AFG1L: variants seen among roughly 807,000 people sequenced by gnomAD.
AFG1L encodes AFG1 like ATPase.
AFG1L carries 53 observed loss-of-function variants against 62.2 expected under a neutral mutation model. The ratio of observed to expected loss-of-function variants is 0.85; its 90% CI spans 0.68 to 1.07. AFG1L has a LOEUF of 1.07. AFG1L is among the 50% of genes least tolerant of loss of function. The probability of loss-of-function intolerance (pLI) is 0.00; values close to 1 mark genes in which losing one functional copy is unlikely to be tolerated. For missense variants in AFG1L, 555 were observed against 590.5 expected (o/e 0.94, Z 0.62); for synonymous variants, 228 against 210.3 (o/e 1.08, Z -0.73).
At chr6:108,367,055 C>A (rs1033439652) in intron 6 of AFG1L, among the ~76,000 whole-genome samples, 16 of 152,130 alleles carry the variant, frequency 1.1e-4, no homozygotes, top group African/African-American at 3.1e-4. Flanking sequence ...GCAACACATC[C>A]CTTTCTTCTT....
chr6:108,477,998 T>C (rs2114817972), intron 10 of AFG1L, among the ~76,000 whole-genome samples: 1 of 152,346 alleles, frequency 6.6e-6, no homozygotes, highest in Middle Eastern at 3.4e-3. Context: ...ATTTTAAGCA[T>C]AATTTTTCGA....
At chr6:108,320,676 G>C (rs1454972251) in intron 1 of AFG1L, among the ~76,000 whole-genome samples, 1 of 152,090 alleles carries the variant, frequency 6.6e-6, no homozygotes, top group Non-Finnish European at 1.5e-5. Context: ...GGCTAGCTAG[G>C]TGTCTGGAAT....
chr6:108,473,505 G>C (rs1290731324), intron 8 of AFG1L, among the ~76,000 whole-genome samples: 1 of 152,202 alleles, frequency 6.6e-6, no homozygotes, highest in South Asian at 2.1e-4. Context: ...TACTGAGTGG[G>C]TGGTGTTGCT....
chr6:108,450,220 A>C (rs1055305478), intron 8 of AFG1L, among the ~76,000 whole-genome samples: 30 of 152,212 alleles, frequency 2.0e-4, no homozygotes, highest in Admixed American at 2.0e-3. Context: ...TCCCACCAAC[A>C]GTGTAAAAGC....
intron 6 of AFG1L, among the ~76,000 whole-genome samples, chr6:108,374,312 T>A (rs1780145190): frequency 6.6e-6 from 1 of 152,232 alleles, no homozygotes; most frequent in South Asian, 2.1e-4. Context: ...GGATAGTTGC[T>A]TTTACTGTGC....
chr6:108,437,389 G>T (rs989975817), intron 7 of AFG1L, among the ~76,000 whole-genome samples: 3 of 152,100 alleles, frequency 2.0e-5, no homozygotes, highest in African/African-American at 7.2e-5. Context: ...AGAGAGAGCG[G>T]GGAAATCATC....
chr6:108,510,660 A>G (rs1462342323), intron 11 of AFG1L, among the ~76,000 whole-genome samples: 4 of 152,258 alleles, frequency 2.6e-5, no homozygotes, highest in African/African-American at 7.2e-5. Flanking sequence ...TGCTATATGA[A>G]TGATTGCATC....
At chr6:108,415,740 C>T (rs924844088) in intron 7 of AFG1L, among the ~76,000 whole-genome samples, 2 of 152,172 alleles carry the variant, frequency 1.3e-5, no homozygotes, top group Non-Finnish European at 2.9e-5. Context: ...GAAACTGGAT[C>T]CCTTCCTTAC....
At chr6:108,406,436 G>A (rs1027287525) in intron 7 of AFG1L, among the ~76,000 whole-genome samples, 3 of 149,738 alleles carry the variant, frequency 2.0e-5, no homozygotes, top group African/African-American at 7.4e-5. Context: ...TTATTTTATT[G>A]ATTGACTGAT....
At chr6:108,338,172 C>T (rs1014428501) in intron 2 of AFG1L, among the ~76,000 whole-genome samples, 3 of 152,218 alleles carry the variant, frequency 2.0e-5, no homozygotes, top group Admixed American at 2.0e-4. Context: ...GGTAACAGAG[C>T]GACACCTTGT....
chr6:108,445,079 T>G (rs919219477), intron 7 of AFG1L, among the ~76,000 whole-genome samples: 8 of 152,242 alleles, frequency 5.3e-5, no homozygotes, highest in African/African-American at 1.9e-4. Flanking sequence ...CTGGATAACT[T>G]GTTGCACCTT....
chr6:108,414,173 A>G (rs1273858173), intron 7 of AFG1L, among the ~76,000 whole-genome samples: 2 of 152,248 alleles, frequency 1.3e-5, no homozygotes. Flanking sequence ...AAAATCTAGA[A>G]GAAATGGATA....
chr6:108,441,712 A>AATATATATATAT lies in AFG1L; in HGVS notation c.808-5494_808-5483dup, dbSNP rs1554198358. On this transcript the variant is annotated intron_variant, in intron 7 of 12. Coordinates refer to ENST00000368977, the MANE Select transcript of AFG1L (RefSeq NM_145315.5). ...ATCTGAGGTTTATTTAAAAAAAAAAAATATATATATATATATATAAACTGA... is the reference window on the plus strand; with the variant it reads ...ATCTGAGGTTTATTTAAAAAAAAAAAATATATATATATATATATATATATATATATAAACTGA... Among the ~76,000 whole-genome samples, 275 of 139,462 alleles carry AATATATATATAT rather than the reference A, an allele frequency of 2.0e-3. 1 individual carries two copies. The highest frequency in any genetic ancestry group is 6.7e-3 in the African/African-American group (237 of 35,402). The allele number at this position is 139,462 out of a possible 152,430, so 91.5% of individuals were successfully genotyped here. A position where few individuals can be genotyped will look rare whatever the true frequency, so the allele number is the denominator to read the frequency against.
At chr6:108,316,027 A>T (rs1777576726) in intron 1 of AFG1L, among the ~76,000 whole-genome samples, 1 of 152,122 alleles carries the variant, frequency 6.6e-6, no homozygotes, top group Non-Finnish European at 1.5e-5. Context: ...AGCATAGGCC[A>T]CAGAATGAGA....
At chr6:108,481,730 A>G (rs554557374) in intron 10 of AFG1L, among the ~76,000 whole-genome samples, 25 of 152,350 alleles carry the variant, frequency 1.6e-4, no homozygotes, top group East Asian at 7.7e-4. Flanking sequence ...AAGTACACGT[A>G]ATAAAACACT....
chr6:108,436,372 T>C (rs1771310152), intron 7 of AFG1L, among the ~76,000 whole-genome samples: 1 of 152,182 alleles, frequency 6.6e-6, no homozygotes, highest in African/African-American at 2.4e-5. Flanking sequence ...CTTGATCTCT[T>C]GACCTTGTGA....
intron 8 of AFG1L, among the ~76,000 whole-genome samples, chr6:108,468,657 C>T (rs1772764721): frequency 6.6e-6 from 1 of 151,948 alleles, no homozygotes; most frequent in African/African-American, 2.4e-5. Context: ...CCCACCCCTC[C>T]ACCCCACCTC....
At chr6:108,311,605 T>G (rs1037179589) in intron 1 of AFG1L, among the ~76,000 whole-genome samples, 3 of 151,988 alleles carry the variant, frequency 2.0e-5, no homozygotes, top group African/African-American at 7.2e-5. Context: ...CAAGCGATCC[T>G]CCCGCCTCAG....
chr6:108,519,792 T>C lies in AFG1L; in HGVS notation c.1299T>C (p.Asp433=), dbSNP rs1204519818. Residue 433 remains aspartate, a synonymous_variant, in exon 12 of 13, where the codon GAT becomes GAC. Transcript: ENST00000368977. ...SELEQSRILM[D]DLGLSQDSAE... is the part of the protein sequence containing the mutation. ...TGGAGCAAAGCAGAATACTGATGGA[T>C]GATTTGGGGCTGAGCCAGGTAGGCG... 6.2e-7 allele frequency: 1 copy of C among 1,609,410 alleles called. No homozygotes were observed. Among genetic ancestry groups the C allele is most frequent in the Non-Finnish European group, 8.5e-7 (1 of 1,177,820 alleles).
Sources: allele counts gnomAD v4.1 joint callset (sites outside exome capture counted in the v4.1 genomes callset), GRCh38; gene constraint gnomAD v4.1.1; transcripts MANE v1.5; gene names NCBI Gene and HGNC (gene_info 2026-07-23, HGNC 2026-07-21).